The following SYT1 variants were observed in gnomAD, a reference collection of about 807,000 sequenced individuals.
SYT1 encodes the protein synaptotagmin 1.
Under a neutral mutation model 44.8 loss-of-function variants are expected in SYT1, and 8 were observed. That is an observed-to-expected ratio of 0.18 (90% CI 0.10 to 0.32). The LOEUF (loss-of-function observed/expected upper bound fraction) is 0.32. Among genes scored for constraint, SYT1 ranks in the 10% least tolerant of loss-of-function variants. The pLI, the probability that SYT1 is intolerant of heterozygous loss-of-function variation, is 1.00. For synonymous variants in SYT1, 154 were observed against 188.8 expected (o/e 0.82, Z 1.51); for missense variants, 286 against 509.3 (o/e 0.56, Z 4.22).
intron 3 of SYT1, among the ~76,000 whole-genome samples, chr12:79,178,097 A>C (rs1249928996): frequency 6.6e-6 from 1 of 152,100 alleles, no homozygotes; most frequent in East Asian, 1.9e-4. Flanking sequence ...TTGCTGTAAA[A>C]GCATATTTCT....
chr12:79,024,302 C>G (rs1026446413), intron 2 of SYT1, among the ~76,000 whole-genome samples: 2 of 151,728 alleles, frequency 1.3e-5, no homozygotes, highest in South Asian at 2.1e-4. Context: ...TGGAGAGCAC[C>G]TATCCCAAGC....
intron 3 of SYT1, among the ~76,000 whole-genome samples, chr12:79,210,216 A>G (rs1278428243): frequency 2.0e-5 from 3 of 152,164 alleles, no homozygotes; most frequent in Non-Finnish European, 2.9e-5. Flanking sequence ...TCCTCATTTT[A>G]TACCACAAAA....
chr12:79,365,352 G>A (rs1883496165), intron 9 of SYT1, among the ~76,000 whole-genome samples: 1 of 151,906 alleles, frequency 6.6e-6, no homozygotes, highest in Non-Finnish European at 1.5e-5. Context: ...GGTATATTTA[G>A]TAATTCTCTT....
chr12:78,985,675 A>G (rs1869592046), intron 2 of SYT1, among the ~76,000 whole-genome samples: 1 of 151,872 alleles, frequency 6.6e-6, no homozygotes, highest in Admixed American at 6.6e-5. Context: ...GACTTATTAT[A>G]TAGTGCTGGT....
intron 3 of SYT1, among the ~76,000 whole-genome samples, chr12:79,156,120 A>G (rs1235181115): frequency 6.6e-6 from 1 of 152,224 alleles, no homozygotes; most frequent in African/African-American, 2.4e-5. Context: ...ACCTTGGACA[A>G]GATGAGTATT....
At chr12:79,444,833 T>A (rs1870616230) in intron 10 of SYT1, among the ~76,000 whole-genome samples, 1 of 152,160 alleles carries the variant, frequency 6.6e-6, no homozygotes, top group African/African-American at 2.4e-5. Context: ...TAAGTTGCTA[T>A]ATGTAGCCAC....
At chr12:78,993,218 G>C (rs1450339750) in intron 2 of SYT1, among the ~76,000 whole-genome samples, 1 of 152,146 alleles carries the variant, frequency 6.6e-6, no homozygotes, top group Non-Finnish European at 1.5e-5. Context: ...CATAATGATG[G>C]GGAAAATATA....
At chr12:79,335,010 C>T (rs1461862659) in intron 8 of SYT1, among the ~76,000 whole-genome samples, 5 of 152,122 alleles carry the variant, frequency 3.3e-5, no homozygotes, top group Non-Finnish European at 7.4e-5. Flanking sequence ...AATTCATTCC[C>T]CCACTCCAGG....
At chr12:79,102,520 A>G (rs1007616443) in intron 3 of SYT1, among the ~76,000 whole-genome samples, 1 of 152,132 alleles carries the variant, frequency 6.6e-6, no homozygotes, top group Non-Finnish European at 1.5e-5. Flanking sequence ...TTAGCACTTC[A>G]ATAACTAAAA....
intron 8 of SYT1, among the ~76,000 whole-genome samples, chr12:79,340,023 G>T (rs1331001026): frequency 6.6e-6 from 1 of 152,102 alleles, no homozygotes; most frequent in East Asian, 1.9e-4. Context: ...CTGTTCCATT[G>T]GTCTATATGT....
chr12:79,300,437 C>T (rs1352648585), intron 8 of SYT1, among the ~76,000 whole-genome samples: 2 of 152,018 alleles, frequency 1.3e-5, no homozygotes, highest in Admixed American at 1.3e-4. Flanking sequence ...ATTCCCTGGC[C>T]TCTTGGGGTC....
chr12:79,085,260 A>C (rs1028893535), intron 3 of SYT1, among the ~76,000 whole-genome samples: 1 of 152,140 alleles, frequency 6.6e-6, no homozygotes, highest in African/African-American at 2.4e-5. Context: ...CCATTACTAC[A>C]GTGAAAAATT....
chr12:79,349,241 T>C (rs565571715), intron 8 of SYT1, among the ~76,000 whole-genome samples: 2 of 151,756 alleles, frequency 1.3e-5, no homozygotes, highest in African/African-American at 2.4e-5. Flanking sequence ...TGAGAGACAT[T>C]TACAAAATGA....
intron 6 of SYT1, among the ~76,000 whole-genome samples, chr12:79,295,388 T>C (rs1233731938): frequency 6.6e-6 from 1 of 152,096 alleles, no homozygotes; most frequent in East Asian, 1.9e-4. Context: ...AAAAACACAG[T>C]TACTCACCAT....
chr12:79,419,094 A>T (rs1350501844), intron 9 of SYT1, among the ~76,000 whole-genome samples: 1 of 152,118 alleles, frequency 6.6e-6, no homozygotes, highest in Non-Finnish European at 1.5e-5. Flanking sequence ...CTAATTGACC[A>T]CTGAGTCTTA....
intron 9 of SYT1, among the ~76,000 whole-genome samples, chr12:79,410,908 T>A (rs74594036): frequency 6.6e-6 from 1 of 151,570 alleles, no homozygotes; most frequent in Non-Finnish European, 1.5e-5. Context: ...GTGGTTTTCA[T>A]AATGCTCCAA....
chr12:79,070,949 G>A (rs896828885), intron 3 of SYT1, among the ~76,000 whole-genome samples: 1 of 152,090 alleles, frequency 6.6e-6, no homozygotes, highest in Non-Finnish European at 1.5e-5. Context: ...ATAAGTAATA[G>A]CTGCAAGTAG....
chr12:79,349,019 GAAAGAAAGAAAGAA>G (rs1245160448), intron 8 of SYT1, among the ~76,000 whole-genome samples: 6 of 112,376 alleles, frequency 5.3e-5, no homozygotes, highest in Non-Finnish European at 7.0e-5. Context: ...AAGAAAGAAA[GAAAGAAAGAAAGAA>G]AAAGAAAGAA....
chr12:79,329,576 A>T (rs373491759), intron 8 of SYT1, among the ~76,000 whole-genome samples: 1 of 152,118 alleles, frequency 6.6e-6, no homozygotes, highest in Non-Finnish European at 1.5e-5. Flanking sequence ...TGACCACTTT[A>T]TCTCATCTCA....
Sources: allele counts gnomAD v4.1 joint callset (sites outside exome capture counted in the v4.1 genomes callset), GRCh38; gene constraint gnomAD v4.1.1; transcripts MANE v1.5; gene names NCBI Gene and HGNC (gene_info 2026-07-23, HGNC 2026-07-21).